CDH13: variants seen among roughly 807,000 people sequenced by gnomAD.
CDH13 encodes cadherin-13.
A neutral mutation model predicts 63.8 loss-of-function variants in CDH13; 24 were observed. The ratio of observed to expected loss-of-function variants is 0.38; its 90% CI spans 0.27 to 0.53. The LOEUF is 0.53. Ranked by LOEUF, CDH13 falls within the 20% of genes least tolerant of loss-of-function variation. CDH13 has a pLI of 0.85. For missense variants in CDH13, 1,049 were observed against 903.1 expected (o/e 1.16, Z -2.07); for synonymous variants, 503 against 355.3 (o/e 1.42, Z -4.67).
Position 83,101,668 on chromosome 16 carries a change from C to A in CDH13, c.367-23717C>A, listed in dbSNP as rs114932622. ...AATTAGCTGGGTGTCGTTTTGCATGCATGTCATCCCAGCTACTGAGGAGGC... is the reference window on the plus strand; with the variant it reads ...AATTAGCTGGGTGTCGTTTTGCATGAATGTCATCCCAGCTACTGAGGAGGC... On this transcript the variant is annotated intron_variant, in intron 3 of 13. Coordinates refer to ENST00000567109, the MANE Select transcript of CDH13 (RefSeq NM_001257.5). Among the ~76,000 whole-genome samples the A allele has an allele frequency of 4.9e-3, 747 of 152,212 alleles. 4 individuals carry two copies. The highest frequency in any genetic ancestry group is 0.017 in the African/African-American group (717 of 41,544).
rs114719500 is a variant in CDH13, at chr16:83,074,601, A to G, written c.366+42383A>G. Reference sequence around the variant, plus strand: ...ACTGTTTTCCATAATGGCTATACTAATTTACTTTTACACCAACAGTGTATG... The same window carrying G: ...ACTGTTTTCCATAATGGCTATACTAGTTTACTTTTACACCAACAGTGTATG... On this transcript the variant is annotated intron_variant, in intron 3 of 13. Coordinates refer to ENST00000567109, the MANE Select transcript of CDH13 (RefSeq NM_001257.5). 2.2e-3 allele frequency among the ~76,000 whole-genome samples: 340 copies of G among 152,224 alleles called. 2 individuals are homozygous for G. The highest frequency in any genetic ancestry group is 7.9e-3 in the African/African-American group (330 of 41,514).
At chr16:82,732,224 C>T (rs577040617) in intron 1 of CDH13, among the ~76,000 whole-genome samples, 23 of 152,096 alleles carry the variant, frequency 1.5e-4, no homozygotes, top group Middle Eastern at 3.4e-3. Context: ...TGGAGTCTTA[C>T]GCAGTTTGTT....
At position 82,955,049 on chromosome 16, in the gene CDH13, G is replaced by A. The variant is rs756022591; in HGVS notation, c.158-76961G>A. Among the ~76,000 whole-genome samples the A allele has an allele frequency of 3.9e-5, 6 of 152,210 alleles. No homozygotes were observed. In the South Asian group the frequency reaches 1.0e-3, roughly 26 times the overall value. On this transcript the variant is annotated intron_variant, in intron 2 of 13. Transcript: ENST00000567109. The stretch of plus-strand genomic sequence containing the variant: ...CACTTATTGCTCAATGAACATTTTA[G>A]TTGTTTCCACTTTGGGGCGATTTTG...
intron 6 of CDH13, among the ~76,000 whole-genome samples, chr16:83,400,186 G>T (rs2091946878): frequency 6.6e-6 from 1 of 151,966 alleles, no homozygotes; most frequent in Non-Finnish European, 1.5e-5. Context: ...GGGAGTCTTG[G>T]GACTCCTTGA....
intron 3 of CDH13, among the ~76,000 whole-genome samples, chr16:83,067,456 C>T (rs1289715101): frequency 6.6e-6 from 1 of 152,098 alleles, no homozygotes; most frequent in African/African-American, 2.4e-5. Flanking sequence ...AGTAAAAGAA[C>T]CCATATAGTG....
chr16:82,742,903 C>A (rs2033996911), intron 1 of CDH13, among the ~76,000 whole-genome samples: 1 of 151,970 alleles, frequency 6.6e-6, no homozygotes, highest in African/African-American at 2.4e-5. Flanking sequence ...TGGTTTAATT[C>A]CAGCACATGC....
intron 4 of CDH13, among the ~76,000 whole-genome samples, chr16:83,216,593 A>G (rs907618920): frequency 5.6e-5 from 8 of 143,678 alleles, no homozygotes; most frequent in African/African-American, 1.8e-4. Flanking sequence ...ATATTAATAT[A>G]TAATACATAG....
intron 6 of CDH13, among the ~76,000 whole-genome samples, chr16:83,448,243 A>C (rs2072770627): frequency 6.6e-6 from 1 of 152,166 alleles, no homozygotes; most frequent in African/African-American, 2.4e-5. Flanking sequence ...TGATATGTAA[A>C]GAAATCAGTA....
At chr16:83,728,391 A>G (rs544833177) in intron 10 of CDH13, among the ~76,000 whole-genome samples, 1 of 143,330 alleles carries the variant, frequency 7.0e-6, no homozygotes, top group East Asian at 2.0e-4. Flanking sequence ...TTGAGTCCCT[A>G]TGAAACGAGG....
At chr16:83,123,716 A>G (rs540154879) in intron 3 of CDH13, among the ~76,000 whole-genome samples, 3 of 152,316 alleles carry the variant, frequency 2.0e-5, no homozygotes, top group Admixed American at 6.5e-5. Context: ...CTTTGTGTAT[A>G]TACCTGGTAG....
chr16:82,854,746 C>G (rs1240334457), intron 1 of CDH13, among the ~76,000 whole-genome samples: 1 of 152,072 alleles, frequency 6.6e-6, no homozygotes, highest in East Asian at 1.9e-4. Context: ...TTCCCTATAC[C>G]CCAACTTTTA....
In CDH13 at chr16:83,779,405, TCAAAAAA is replaced by T. The variant is rs1230519468; in HGVS notation, c.1682-562_1682-556del. On this transcript the variant is annotated intron_variant, in intron 11 of 13. Transcript: ENST00000567109. ...CCGGGCGACAGCGCGAGACTCCATC[TCAAAAAA>T]AAAAAAAAAAAAAAAAAAAAAAAAA... Among the ~76,000 whole-genome samples the T allele has an allele frequency of 4.4e-4, 30 of 67,782 alleles. 1 individual carries two copies. Among genetic ancestry groups the T allele is most frequent in the East Asian group, 9.5e-4 (2 of 2,112 alleles). 44.5% of individuals were successfully genotyped at this position (67,782 alleles called of 152,430 possible).
chr16:82,840,640 A>AC (rs2038968477), intron 1 of CDH13, among the ~76,000 whole-genome samples: 1 of 140,746 alleles, frequency 7.1e-6, no homozygotes, highest in Non-Finnish European at 1.5e-5. Context: ...AGCTGAGACC[A>AC]CCCCACTGCA....
intron 5 of CDH13, among the ~76,000 whole-genome samples, chr16:83,293,353 T>C (rs1014587665): frequency 6.6e-6 from 1 of 152,126 alleles, no homozygotes. Flanking sequence ...GGGTCCTTGC[T>C]CTAATTTGGG....
At chr16:83,313,739 G>T (rs1397584614) in intron 5 of CDH13, among the ~76,000 whole-genome samples, 6 of 150,764 alleles carry the variant, frequency 4.0e-5, no homozygotes, top group Non-Finnish European at 7.4e-5. Context: ...AATTACAATT[G>T]CCTTTTTTCC....
At chr16:83,023,698 T>A (rs1379422782) in intron 2 of CDH13, among the ~76,000 whole-genome samples, 3 of 152,242 alleles carry the variant, frequency 2.0e-5, no homozygotes, top group African/African-American at 7.2e-5. Context: ...CATATGGTCT[T>A]GATATCTACT....
intron 6 of CDH13, among the ~76,000 whole-genome samples, chr16:83,441,171 C>T (rs57857843): frequency 0.061 from 9,206 of 152,164 alleles, 303 homozygotes; most frequent in East Asian, 0.2. Context: ...GTCATCTGGT[C>T]GACTGTGGAT....
chr16:82,802,340 G>A (rs1006439648), intron 1 of CDH13, among the ~76,000 whole-genome samples: 19 of 152,274 alleles, frequency 1.2e-4, no homozygotes, highest in Admixed American at 1.0e-3. Flanking sequence ...ACCAGGAGTC[G>A]ACCCTGATGA....
chr16:83,250,134 A>G (rs1011370817), intron 5 of CDH13, among the ~76,000 whole-genome samples: 6 of 152,342 alleles, frequency 3.9e-5, no homozygotes, highest in East Asian at 1.9e-4. Flanking sequence ...AATTATTGCT[A>G]TGTTTAAAAT....
Sources: gnomAD v4.1 joint callset for allele counts (sites outside exome capture counted in the v4.1 genomes callset) on GRCh38, gnomAD v4.1.1 for gene constraint, MANE v1.5 for transcripts, NCBI Gene and HGNC (gene_info 2026-07-23, HGNC 2026-07-21) for gene names.